Variants in RBM26 observed in about 807,000 individuals in gnomAD.
RBM26 encodes RNA binding motif protein 26.
A neutral mutation model predicts 123.6 loss-of-function variants in RBM26; 30 were observed. The ratio of observed to expected loss-of-function variants is 0.24; its 90% confidence interval spans 0.18 to 0.33. The LOEUF is 0.33. Among genes scored for constraint, RBM26 ranks in the 10% least tolerant of loss-of-function variants. RBM26 has a pLI of 1.00. For synonymous variants in RBM26, 400 were observed against 404.4 expected, an observed-to-expected ratio of 0.99 and a Z score of 0.13; for missense variants, 947 against 1,203.6, an observed-to-expected ratio of 0.79 and a Z score of 3.15.
chr13:79,326,707 A>T (rs9285309), intron 20 of RBM26, among the ~76,000 whole-genome samples: 76,723 of 151,958 alleles, frequency 0.5, 19,776 homozygotes, highest in Middle Eastern at 0.6. Context: ...ATATTTCCAA[A>T]GCAACTTAAA....
At chr13:79,390,586 A>G (rs2077877935) in intron 1 of RBM26, among the ~76,000 whole-genome samples, 1 of 152,154 alleles carries the variant, frequency 6.6e-6, no homozygotes, top group Non-Finnish European at 1.5e-5. Context: ...TTGTATCTGT[A>G]TTCTAAAATT....
At chr13:79,349,432 GGATTAAAAGAAACAAA>G (rs368793855) in intron 14 of RBM26, among the ~76,000 whole-genome samples, 52 of 151,546 alleles carry the variant, frequency 3.4e-4, no homozygotes, top group African/African-American at 1.2e-3. Context: ...ATAGACAAAG[GGATTAAAAGAAACAAA>G]GATTAAAAAA....
chr13:79,349,697 C>A (rs1283188371), intron 14 of RBM26, among the ~76,000 whole-genome samples: 2 of 151,486 alleles, frequency 1.3e-5, no homozygotes, highest in Non-Finnish European at 2.9e-5. Context: ...TATGATAAAT[C>A]CCACTCTTTT....
At chr13:79,312,380 T>C (rs1407708616) in exon 5 of RBM26, 3 of 152,028 alleles carry the variant, frequency 2.0e-5, no homozygotes, top group Admixed American at 1.3e-4. Context: ...TTCTATCATA[T>C]GAACATTCAT....
chr13:79,352,436 TCAAAGA>T (rs1030270266), intron 14 of RBM26, among the ~76,000 whole-genome samples: 2 of 143,560 alleles, frequency 1.4e-5, no homozygotes, highest in Non-Finnish European at 1.5e-5. Context: ...TCAAATAAAA[TCAAAGA>T]CAAAGTATTT....
intron 1 of RBM26, among the ~76,000 whole-genome samples, chr13:79,386,754 T>A (rs1416904191): frequency 6.6e-6 from 1 of 151,946 alleles, no homozygotes; most frequent in African/African-American, 2.4e-5. Flanking sequence ...ATTACTCACA[T>A]TCTGTCTAGT....
Position 79,359,590 on chromosome 13 carries a change from T to G in RBM26, c.1514A>C (p.Lys505Thr). 2 of 1,579,208 alleles carry G rather than the reference T, an allele frequency of 1.3e-6. No homozygotes were observed. The highest frequency in any genetic ancestry group is 1.7e-6 in the Non-Finnish European group (2 of 1,157,570). The change falls in exon 10 of 22, where the codon AAG (lysine) becomes ACG (threonine). Residue 505 changes from lysine (K) to threonine (T), a missense_variant. Around this residue, in one of 5 missense-constraint regions of RBM26, gnomAD observed 493 missense variants for 563.1 expected, o/e 0.88. Transcript: ENST00000438737. ...GCCACCTTACTTATCAAACCAAGTCTTCTTTGTAGGAACTCCAGGCTCTCC... is the reference window on the plus strand; with the variant it reads ...GCCACCTTACTTATCAAACCAAGTCGTCTTTGTAGGAACTCCAGGCTCTCC... ...GSGEPGVPTK[K>T]TWFDKPNFNR...
At chr13:79,315,855 T>C (rs538296773), downstream of RBM26, among the ~76,000 whole-genome samples, 2 of 151,890 alleles carry the variant, frequency 1.3e-5, no homozygotes, top group East Asian at 1.9e-4. Flanking sequence ...GAAGATTATC[T>C]ATTGTCATCT....
chr13:79,319,136 G>C lies in RBM26; in HGVS notation c.*1485C>G, dbSNP rs1326165917. ...ATACACACAACTTCAACCCCAATTA[G>C]GGGTGTATGGGGAAGAAGAAAAAGA... On this transcript the variant is annotated 3_prime_UTR_variant, in exon 22 of 22. Coordinates refer to ENST00000438737, the MANE Select transcript of RBM26 (RefSeq NM_001366735.2). 1.0e-6 allele frequency: 1 copy of C among 984,554 alleles called. No homozygotes were observed. Among genetic ancestry groups the C allele is most frequent in the African/African-American group, 1.7e-5 (1 of 57,248 alleles). The allele number at this position is 984,554 out of a possible 1,614,324, so 61.0% of individuals were successfully genotyped here. A position where few individuals can be genotyped will look rare whatever the true frequency, so the allele number is the denominator to read the frequency against.
intron 20 of RBM26, among the ~76,000 whole-genome samples, chr13:79,330,823 C>A (rs925851859): frequency 6.6e-6 from 1 of 152,082 alleles, no homozygotes; most frequent in African/African-American, 2.4e-5. Context: ...GAGTTCAATG[C>A]ACATGGCTAC....
intron 18 of RBM26, among the ~76,000 whole-genome samples, chr13:79,339,591 T>A (rs2071032830): frequency 6.6e-6 from 1 of 152,128 alleles, no homozygotes; most frequent in African/African-American, 2.4e-5. Flanking sequence ...GCTCAAGGAT[T>A]AATATTAGTA....
chr13:79,328,062 T>A (rs2068710338), intron 20 of RBM26, among the ~76,000 whole-genome samples: 1 of 152,196 alleles, frequency 6.6e-6, no homozygotes, highest in Non-Finnish European at 1.5e-5. Flanking sequence ...GAGGAAGACT[T>A]AGCATTTGAG....
At chr13:79,369,466 G>C (rs1351808773) in intron 5 of RBM26, among the ~76,000 whole-genome samples, 1 of 152,038 alleles carries the variant, frequency 6.6e-6, no homozygotes, top group Non-Finnish European at 1.5e-5. Flanking sequence ...CTATACATAT[G>C]GTCCTCAGGA....
At chr13:79,386,430 A>G (rs1207535646) in intron 1 of RBM26, among the ~76,000 whole-genome samples, 1 of 151,080 alleles carries the variant, frequency 6.6e-6, no homozygotes, top group African/African-American at 2.4e-5. Context: ...AAAAAAAAAA[A>G]GAAGTGCCCA....
intron 9 of RBM26, among the ~76,000 whole-genome samples, chr13:79,364,644 G>C (rs1179815457): frequency 6.6e-6 from 1 of 151,968 alleles, no homozygotes; most frequent in Non-Finnish European, 1.5e-5. Context: ...TTCTCCCTCT[G>C]AATCTTATTA....
At position 79,366,670 on chromosome 13, in the gene RBM26, C is replaced by A; in HGVS notation, c.1098G>T (p.Pro366=). ...PPVNLRPPVP[P]PGPLPPSLPP... ...GGAGACTGGGTGGCAATGGACCTGGCGGTGGTACTGGGGGCCTGAGATTCA... is the reference window on the plus strand; with the variant it reads ...GGAGACTGGGTGGCAATGGACCTGGAGGTGGTACTGGGGGCCTGAGATTCA... Residue 366 remains proline (P), a synonymous_variant, in exon 7 of 22, where the codon CCG becomes CCT. Coordinates refer to ENST00000438737, the MANE Select transcript of RBM26 (RefSeq NM_001366735.2). The A allele has an allele frequency of 6.4e-7, 1 of 1,552,906 alleles. No individual in the cohort carries two copies. The highest frequency in any genetic ancestry group is 8.7e-7 in the Non-Finnish European group (1 of 1,147,646).
intron 20 of RBM26, among the ~76,000 whole-genome samples, chr13:79,330,882 C>T (rs2069188187): frequency 6.6e-6 from 1 of 152,086 alleles, no homozygotes; most frequent in South Asian, 2.1e-4. Context: ...TAGCACAGTG[C>T]CCATCACATA....
intron 18 of RBM26, among the ~76,000 whole-genome samples, chr13:79,339,279 A>T (rs954502799): frequency 4.6e-5 from 7 of 152,168 alleles, no homozygotes; most frequent in African/African-American, 1.7e-4. Flanking sequence ...GAATGGAGAG[A>T]TGTTGGTCAA....
intron 1 of RBM26, among the ~76,000 whole-genome samples, chr13:79,396,741 A>G (rs931622184): frequency 3.9e-5 from 6 of 152,252 alleles, no homozygotes; most frequent in African/African-American, 9.6e-5. Flanking sequence ...ACTTGTTTTA[A>G]TATTATCAAA....
Sources: gnomAD v4.1 joint callset for allele counts (sites outside exome capture counted in the v4.1 genomes callset) on GRCh38, gnomAD v4.1.1 for gene constraint, gnomAD v4.1.1 regional missense constraint, MANE v1.5 for transcripts, NCBI Gene and HGNC (gene_info 2026-07-23, HGNC 2026-07-21) for gene names.